The following AGBL4 variants were observed in gnomAD, a reference collection of about 807,000 sequenced individuals.
AGBL4 encodes the protein cytosolic carboxypeptidase 6.
A neutral mutation model predicts 66.4 loss-of-function variants in AGBL4; 58 were observed. The ratio of observed to expected loss-of-function variants is 0.87; its 90% CI spans 0.71 to 1.09. The LOEUF is 1.09. Among genes scored for constraint, AGBL4 ranks in the 50% least tolerant of loss-of-function variants. AGBL4 has a pLI of 0.00. For synonymous variants in AGBL4, 234 were observed against 222.9 expected (o/e 1.05, Z -0.44); for missense variants, 579 against 631.0 (o/e 0.92, Z 0.88).
intron 4 of AGBL4, among the ~76,000 whole-genome samples, chr1:49,160,201 T>C (rs988695926): frequency 6.6e-6 from 1 of 152,198 alleles, no homozygotes; most frequent in Non-Finnish European, 1.5e-5. Context: ...TCTTCACGGA[T>C]TTATCTACCT....
At chr1:49,202,985 C>T (rs946286185) in intron 4 of AGBL4, among the ~76,000 whole-genome samples, 1 of 150,642 alleles carries the variant, frequency 6.6e-6, no homozygotes, top group Admixed American at 6.6e-5. Context: ...ATAGAAATGG[C>T]CAGCAAGCAT....
In AGBL4 at chr1:49,671,965, C is replaced by T. The variant is rs76231896; in HGVS notation, c.282+25348G>A. Among the ~76,000 whole-genome samples, 47 of 152,164 alleles carry T rather than the reference C, an allele frequency of 3.1e-4. 1 individual carries two copies. The East Asian group carries it at 8.7e-3, about 28-fold the overall frequency. Reference sequence around the variant, plus strand: ...AGCTAACAGCAGAACTACCATTTGACCCAGAAATCCCATTACTGGGTACAC... The same window carrying T: ...AGCTAACAGCAGAACTACCATTTGATCCAGAAATCCCATTACTGGGTACAC... On this transcript the variant is annotated intron_variant, in intron 3 of 13. Transcript: ENST00000371839.
intron 3 of AGBL4, among the ~76,000 whole-genome samples, chr1:49,616,032 T>A (rs1280344892): frequency 2.6e-5 from 4 of 152,152 alleles, no homozygotes. Flanking sequence ...CCCTTTTATA[T>A]CCTATTTCAC....
intron 4 of AGBL4, among the ~76,000 whole-genome samples, chr1:49,129,956 C>T (rs1179665689): frequency 6.6e-6 from 1 of 152,164 alleles, no homozygotes; most frequent in Non-Finnish European, 1.5e-5. Context: ...CCTATTTCTC[C>T]ACATCCTCTC....
At chr1:48,662,616 A>T (rs950671038) in intron 7 of AGBL4, among the ~76,000 whole-genome samples, 1 of 152,258 alleles carries the variant, frequency 6.6e-6, no homozygotes, top group Non-Finnish European at 1.5e-5. Context: ...AATTATAAAC[A>T]GAAACACTTG....
chr1:49,303,305 C>T (rs1226826249), intron 3 of AGBL4, among the ~76,000 whole-genome samples: 1 of 152,172 alleles, frequency 6.6e-6, no homozygotes, highest in African/African-American at 2.4e-5. Context: ...TAGTTCTCCA[C>T]AGCCTTGCCA....
chr1:49,941,503 C>G (rs969014927), intron 1 of AGBL4, among the ~76,000 whole-genome samples: 3 of 151,998 alleles, frequency 2.0e-5, no homozygotes, highest in Admixed American at 2.0e-4. Flanking sequence ...AAACCAGATT[C>G]AACAACACAT....
At chr1:49,348,079 T>C (rs897773585) in intron 3 of AGBL4, among the ~76,000 whole-genome samples, 10 of 152,094 alleles carry the variant, frequency 6.6e-5, no homozygotes, top group Non-Finnish European at 1.5e-4. Flanking sequence ...GACATTATTC[T>C]GGACTATTTG....
intron 3 of AGBL4, among the ~76,000 whole-genome samples, chr1:49,292,850 T>A (rs904891596): frequency 6.6e-6 from 1 of 152,172 alleles, no homozygotes; most frequent in Non-Finnish European, 1.5e-5. Context: ...TCACCTTGCT[T>A]ACCCTCCACT....
In AGBL4 at chr1:49,245,817, A is replaced by G. The variant is rs754084513; in HGVS notation, c.330T>C (p.Tyr110=). ...IVNFSKTKSL[Y]RDGMAPMVKS... ...TCACCATAGGGGCCATCCCATCTCT[A>G]TAGAGACTCTTGGTTTTACTGAAGT... The change falls in exon 4 of 14, where the codon TAT becomes TAC. Residue 110 remains tyrosine (Y), a synonymous_variant. Coordinates refer to ENST00000371839, the MANE Select transcript of AGBL4 (RefSeq NM_032785.4). The G allele has an allele frequency of 4.3e-5, 66 of 1,549,656 alleles. No homozygotes were observed. In the African/African-American group the frequency reaches 7.1e-4, roughly 17 times the overall value.
intron 1 of AGBL4, among the ~76,000 whole-genome samples, chr1:49,966,873 A>T (rs757161375): frequency 1.3e-5 from 2 of 152,156 alleles, no homozygotes; most frequent in Non-Finnish European, 2.9e-5. Context: ...TTCTTGATAG[A>T]ATTGCCAAAC....
intron 6 of AGBL4, among the ~76,000 whole-genome samples, chr1:48,792,992 A>G (rs144087802): frequency 7.2e-5 from 11 of 152,208 alleles, no homozygotes; most frequent in Admixed American, 5.9e-4. Context: ...CTACCTACCC[A>G]TGTAGCCCAG....
At chr1:48,719,656 A>G (rs1315276442) in intron 6 of AGBL4, among the ~76,000 whole-genome samples, 4 of 152,120 alleles carry the variant, frequency 2.6e-5, no homozygotes, top group Non-Finnish European at 4.4e-5. Context: ...AACTCATCCT[A>G]TCCTCTTCCA....
intron 8 of AGBL4, 97 bp downstream of exon 8, chr1:48,653,240 A>G (rs1645961187): frequency 1.0e-6 from 1 of 987,070 alleles, no homozygotes; most frequent in African/African-American, 1.7e-5. Context: ...GGGCAGCCTC[A>G]AAATTCTTCC....
chr1:49,284,307 C>T (rs376720848), intron 3 of AGBL4, among the ~76,000 whole-genome samples: 4 of 151,996 alleles, frequency 2.6e-5, no homozygotes, highest in Admixed American at 2.0e-4. Context: ...AAATACTTTA[C>T]AGACAAGCAA....
In AGBL4 at chr1:48,844,150, C is replaced by T. The variant is rs72890087; in HGVS notation, c.634+23041G>A. Among the ~76,000 whole-genome samples the T allele has an allele frequency of 1.4e-3, 212 of 152,288 alleles. 4 individuals are homozygous for T. Among genetic ancestry groups the T allele is most frequent in the African/African-American group, 4.9e-3 (205 of 41,570 alleles). On this transcript the variant is annotated intron_variant, in intron 6 of 13. Transcript: ENST00000371839. Reference sequence around the variant, plus strand: ...TGCTCTGGCACCCACCTGCTCCAGCCTCCTGGGCCCTAGCTCTGCCCTGAT... The same window carrying T: ...TGCTCTGGCACCCACCTGCTCCAGCTTCCTGGGCCCTAGCTCTGCCCTGAT...
chr1:48,680,992 G>T (rs1336495391), intron 6 of AGBL4, among the ~76,000 whole-genome samples: 2 of 152,156 alleles, frequency 1.3e-5, no homozygotes, highest in African/African-American at 2.4e-5. Flanking sequence ...GGTACAGGTT[G>T]CTGGGCCCCA....
chr1:48,689,619 A>G (rs887607730), intron 6 of AGBL4, among the ~76,000 whole-genome samples: 1 of 152,180 alleles, frequency 6.6e-6, no homozygotes, highest in Non-Finnish European at 1.5e-5. Flanking sequence ...GGAAATGGGT[A>G]TATCTGCCCA....
intron 11 of AGBL4, 31 bp from the exon 12 acceptor site, chr1:48,539,769 G>A (rs1038175708): frequency 2.0e-5 from 28 of 1,417,294 alleles, no homozygotes; most frequent in East Asian, 1.1e-4. Flanking sequence ...GAGCAACTTC[G>A]AAAACAGATT....
Sources: gnomAD v4.1 joint callset for allele counts (sites outside exome capture counted in the v4.1 genomes callset) on GRCh38, gnomAD v4.1.1 for gene constraint, MANE v1.5 for transcripts, NCBI Gene and HGNC (gene_info 2026-07-23, HGNC 2026-07-21) for gene names.